The following PDE6C variants were observed in gnomAD, a reference collection of about 807,000 sequenced individuals.
The protein encoded by PDE6C is cone cGMP-specific 3',5'-cyclic phosphodiesterase subunit alpha'.
A neutral mutation model predicts 113.1 loss-of-function variants in PDE6C; 75 were observed. The observed-to-expected ratio is 0.66, with a 90% CI of 0.55 to 0.80. The LOEUF (loss-of-function observed/expected upper bound fraction) is 0.80, where lower values mean the gene tolerates loss of function less well. Among genes scored for constraint, PDE6C ranks in the 30% least tolerant of loss-of-function variants. The pLI is 0.00. For synonymous variants in PDE6C, 375 were observed against 363.7 expected (o/e 1.03, Z -0.35); for missense variants, 912 against 1,038.6 (o/e 0.88, Z 1.67).
At chr10:93,639,485 C>T (rs1170132833) in intron 11 of PDE6C, among the ~76,000 whole-genome samples, 1 of 152,190 alleles carries the variant, frequency 6.6e-6, no homozygotes, top group African/African-American at 2.4e-5. Flanking sequence ...TACCTATGTA[C>T]TGCAGGGCAA....
intron 19 of PDE6C, 142 bp from the exon 20 acceptor site, chr10:93,662,418 G>A (rs2058670033): frequency 1.7e-5 from 10 of 571,674 alleles, no homozygotes; most frequent in Middle Eastern, 4.9e-4. Flanking sequence ...AGCCGAGATT[G>A]TGGCACTGCA....
chr10:93,662,786 C>T, intron 20 of PDE6C, 143 bp downstream of exon 20: 1 of 674,868 alleles, frequency 1.5e-6, no homozygotes, highest in Non-Finnish European at 2.7e-6. Flanking sequence ...GAGGTTTTAC[C>T]CTAATCTCAT....
intron 18 of PDE6C, 148 bp from the exon 19 acceptor site, chr10:93,661,911 G>C (rs2058667532): frequency 2.9e-6 from 2 of 691,664 alleles, no homozygotes; most frequent in South Asian, 3.0e-5. Flanking sequence ...ATCTGTAAAT[G>C]ACCTCTTTTT....
At chr10:93,635,459 C>A in intron 9 of PDE6C, 38 bp from the exon 10 acceptor site, 1 of 1,586,978 alleles carries the variant, frequency 6.3e-7, no homozygotes, top group South Asian at 1.1e-5. Context: ...ATTTTTCTTT[C>A]ACTGAAGAGA....
At chr10:93,658,760 G>A (rs1403907468) in intron 16 of PDE6C, 141 bp from the exon 17 acceptor site, 17 of 654,102 alleles carry the variant, frequency 2.6e-5, no homozygotes, top group East Asian at 5.6e-5. Context: ...CTCTGCTCTC[G>A]TATTTTCTGG....
chr10:93,642,098 G>T (rs373932166), intron 14 of PDE6C, among the ~76,000 whole-genome samples: 2 of 152,298 alleles, frequency 1.3e-5, no homozygotes, highest in East Asian at 3.9e-4. Flanking sequence ...GGGTGCGGTG[G>T]CTCACGCCTA....
At chr10:93,635,721 T>G in intron 10 of PDE6C, 81 bp downstream of exon 10, 1 of 1,436,344 alleles carries the variant, frequency 7.0e-7, no homozygotes, top group Non-Finnish European at 9.8e-7. Flanking sequence ...CCCAGGGGTC[T>G]GACAAATGCA....
chr10:93,616,813 C>T (rs2058422178), intron 1 of PDE6C, among the ~76,000 whole-genome samples: 1 of 152,048 alleles, frequency 6.6e-6, no homozygotes, highest in South Asian at 2.1e-4. Flanking sequence ...ACCACCATGC[C>T]CAGCTAATTT....
chr10:93,657,925 C>T (rs931477736), intron 16 of PDE6C, among the ~76,000 whole-genome samples: 1 of 152,004 alleles, frequency 6.6e-6, no homozygotes, highest in African/African-American at 2.4e-5. Flanking sequence ...AATCTCAGCA[C>T]TTTGGGAGGC....
chr10:93,634,355 G>T (rs1235846971), intron 8 of PDE6C, among the ~76,000 whole-genome samples: 2 of 152,270 alleles, frequency 1.3e-5, no homozygotes, highest in South Asian at 2.1e-4. Context: ...AGGTGGTTGG[G>T]TGGTAGCTAG....
In PDE6C at chr10:93,634,778, T is replaced by G; in HGVS notation, c.1140T>G (p.Thr380=). 1 of 1,614,110 alleles carries G rather than the reference T, an allele frequency of 6.2e-7. No individual in the cohort carries two copies. Among genetic ancestry groups the G allele is most frequent in the Non-Finnish European group, 8.5e-7 (1 of 1,179,994 alleles). Residue 380 remains threonine, a synonymous_variant, in exon 9 of 22, where the codon ACT becomes ACG. Coordinates refer to ENST00000371447, the MANE Select transcript of PDE6C (RefSeq NM_006204.4). ...FTFQKGPVDE[T]GWVIKNVLSL... is the part of the protein sequence containing the mutation. Reference sequence around the variant, plus strand: ...TGTAGAAAGGACCTGTAGACGAAACTGGTTGGGTCATTAAGAATGTTTTGT... The same window carrying G: ...TGTAGAAAGGACCTGTAGACGAAACGGGTTGGGTCATTAAGAATGTTTTGT...
In PDE6C at chr10:93,640,471, A is replaced by G; in HGVS notation, c.1651A>G (p.Thr551Ala). The change falls in exon 13 of 22, where the codon ACT becomes GCT. Residue 551 changes from threonine (T) to alanine (A), a missense_variant. By Grantham distance (58) the Thr-to-Ala change is moderately conservative. Coordinates refer to ENST00000371447, the MANE Select transcript of PDE6C (RefSeq NM_006204.4). ...TTAGGTTCTTACCAGATGGATGTAC[A>G]CTGTGAGGAAAGGGTACCGAGCTGT... ...PVEVLTRWMY[T>A]VRKGYRAVTY... The G allele has an allele frequency of 6.2e-7, 1 of 1,612,662 alleles. No homozygotes were observed. The highest frequency in any genetic ancestry group is 8.5e-7 in the Non-Finnish European group (1 of 1,178,736).
chr10:93,633,551 C>G (rs991420069), intron 8 of PDE6C, among the ~76,000 whole-genome samples: 3 of 151,852 alleles, frequency 2.0e-5, no homozygotes, highest in Admixed American at 1.3e-4. Flanking sequence ...AGAAACACTC[C>G]TAAACTTTTG....
chr10:93,658,658 T>C (rs71480874), intron 16 of PDE6C, among the ~76,000 whole-genome samples: 1 of 129,444 alleles, frequency 7.7e-6, no homozygotes, highest in Non-Finnish European at 1.7e-5. Flanking sequence ...ACCTGTTTTG[T>C]TTTGTTTTTC....
Position 93,626,660 on chromosome 10 carries a change from C to A in PDE6C, c.960C>A (p.Ile320=). The A allele has an allele frequency of 1.9e-6, 3 of 1,582,580 alleles. No individual in the cohort carries two copies. The highest frequency in any genetic ancestry group is 2.2e-5 in the East Asian group (1 of 44,722). ...CTTAGGAAGTCAACTTTTATAAAAT[C>A]ATTGATTACATTTTACATGGAAAAG... ...PDGREVNFYK[I]IDYILHGKEE... The change falls in exon 6 of 22, where the codon ATC becomes ATA. Residue 320 remains isoleucine (I), a synonymous_variant. Transcript: ENST00000371447.
intron 10 of PDE6C, among the ~76,000 whole-genome samples, chr10:93,636,279 T>A (rs2058528888): frequency 6.6e-6 from 1 of 152,080 alleles, no homozygotes; most frequent in Non-Finnish European, 1.5e-5. Context: ...GGGGAGCAAG[T>A]GGATATTTGC....
chr10:93,636,522 G>T (rs1240930228), intron 10 of PDE6C, among the ~76,000 whole-genome samples: 2 of 151,506 alleles, frequency 1.3e-5, no homozygotes, highest in African/African-American at 4.9e-5. Flanking sequence ...AGATCTGGGG[G>T]TAATAAAAGG....
chr10:93,636,716 A>G (rs1353300207), intron 10 of PDE6C, among the ~76,000 whole-genome samples: 7 of 152,114 alleles, frequency 4.6e-5, no homozygotes, highest in African/African-American at 1.4e-4. Context: ...AGGTCTTTGT[A>G]TCCATGACAA....
chr10:93,635,938 G>A (rs1280942300), intron 10 of PDE6C, among the ~76,000 whole-genome samples: 2 of 152,184 alleles, frequency 1.3e-5, no homozygotes, highest in East Asian at 3.8e-4. Context: ...GTCAGCTATT[G>A]TCATATAATG....
Sources: allele counts gnomAD v4.1 joint callset (sites outside exome capture counted in the v4.1 genomes callset), GRCh38; gene constraint gnomAD v4.1.1; transcripts MANE v1.5; gene names NCBI Gene and HGNC (gene_info 2026-07-23, HGNC 2026-07-21).